DRC8: variants seen among roughly 807,000 people sequenced by gnomAD.
The protein encoded by DRC8 is dynein regulatory complex subunit 8.
the DRC8 span, chr1:245,124,707 C>G: frequency 6.6e-6 from 1 of 151,154 alleles, no homozygotes; most frequent in Non-Finnish European, 1.5e-5. Flanking sequence ...TTTTTCAGAT[C>G]CTGAATTCCA....
the DRC8 span, among the ~76,000 whole-genome samples, chr1:245,000,874 T>C: frequency 6.6e-6 from 1 of 151,990 alleles, no homozygotes; most frequent in Admixed American, 6.5e-5. Flanking sequence ...CACAGGGTAC[T>C]GTGGAATCAT....
the DRC8 span, among the ~76,000 whole-genome samples, chr1:245,011,501 G>C: frequency 6.6e-6 from 1 of 152,218 alleles, no homozygotes; most frequent in Non-Finnish European, 1.5e-5. Context: ...CTGCAATGCT[G>C]TGTTTTGATT....
At chr1:245,110,216 CTA>C in the DRC8 span, among the ~76,000 whole-genome samples, 11 of 152,100 alleles carry the variant, frequency 7.2e-5, no homozygotes, top group Non-Finnish European at 1.5e-4. Flanking sequence ...AACCTCATCT[CTA>C]TTAAAAATAC....
At chr1:245,019,116 A>G in the DRC8 span, among the ~76,000 whole-genome samples, 1 of 152,360 alleles carries the variant, frequency 6.6e-6, no homozygotes, top group African/African-American at 2.4e-5. Flanking sequence ...TATGGGCTGA[A>G]TCTTTTTTTC....
the DRC8 span, among the ~76,000 whole-genome samples, chr1:245,083,104 A>G: frequency 6.6e-6 from 1 of 152,196 alleles, no homozygotes; most frequent in East Asian, 1.9e-4. Context: ...CCTGGGCCAC[A>G]CAGCAGGAGG....
At chr1:245,081,230 C>T in the DRC8 span, among the ~76,000 whole-genome samples, 3 of 151,834 alleles carry the variant, frequency 2.0e-5, no homozygotes, top group East Asian at 1.9e-4. Context: ...GGCCTGATCT[C>T]GGCTCACTGC....
At chr1:244,970,634 C>A in the DRC8 span, 1 of 434,062 alleles carries the variant, frequency 2.3e-6, no homozygotes, top group South Asian at 2.7e-5. Context: ...GCCCGGCCCG[C>A]CGCTCCGCCC....
the DRC8 span, among the ~76,000 whole-genome samples, chr1:245,025,662 C>T: frequency 6.6e-6 from 1 of 152,110 alleles, no homozygotes; most frequent in East Asian, 1.9e-4. Flanking sequence ...TTTTAGTATT[C>T]CAGACTATTC....
the DRC8 span, chr1:245,121,861 T>C: frequency 7.1e-6 from 3 of 422,022 alleles, no homozygotes; most frequent in East Asian, 2.2e-4. Flanking sequence ...TCATCTACTT[T>C]TTTGCTTTCT....
chr1:245,092,204 G>C, the DRC8 span, among the ~76,000 whole-genome samples: 70 of 152,310 alleles, frequency 4.6e-4, no homozygotes, highest in African/African-American at 1.6e-3. Context: ...GCAATGCAGA[G>C]ATTTAGTCCC....
the DRC8 span, among the ~76,000 whole-genome samples, chr1:244,980,438 G>A: frequency 0.68 from 102,968 of 151,978 alleles, 36,316 homozygotes; most frequent in East Asian, 1. Flanking sequence ...AAATCACTTG[G>A]GCAAGTGTGC....
At chr1:245,066,757 A>G in the DRC8 span, among the ~76,000 whole-genome samples, 1 of 151,998 alleles carries the variant, frequency 6.6e-6, no homozygotes. Flanking sequence ...AGTAGAAAAA[A>G]TTAGCCGGGC....
the DRC8 span, among the ~76,000 whole-genome samples, chr1:245,031,427 T>C: frequency 7.2e-5 from 11 of 151,946 alleles, no homozygotes; most frequent in Non-Finnish European, 1.6e-4. Flanking sequence ...GCCCGGTCCA[T>C]GGAAACCTCC....
the DRC8 span, among the ~76,000 whole-genome samples, chr1:244,992,381 AG>A: frequency 6.6e-6 from 1 of 152,214 alleles, no homozygotes; most frequent in South Asian, 2.1e-4. Context: ...AGAGAGGGAA[AG>A]GGAAAAGAAA....
the DRC8 span, among the ~76,000 whole-genome samples, chr1:245,020,166 G>T: frequency 6.6e-6 from 1 of 152,138 alleles, no homozygotes; most frequent in Non-Finnish European, 1.5e-5. Context: ...AGAGGTCTAG[G>T]TCTTAGAATT....
chr1:245,051,270 T>C, the DRC8 span, among the ~76,000 whole-genome samples: 1 of 151,918 alleles, frequency 6.6e-6, no homozygotes, highest in African/African-American at 2.4e-5. Flanking sequence ...TGTGTACTTG[T>C]AGTCTCAGTT....
chr1:245,017,382 G>A, the DRC8 span: 10 of 1,497,950 alleles, frequency 6.7e-6, no homozygotes, highest in Non-Finnish European at 9.0e-6. Flanking sequence ...CAAGTCATAA[G>A]ATACAAGAGA....
At chr1:244,997,211 C>G in the DRC8 span, among the ~76,000 whole-genome samples, 1 of 152,116 alleles carries the variant, frequency 6.6e-6, no homozygotes, top group African/African-American at 2.4e-5. Flanking sequence ...TTAACCTATC[C>G]TATCTCGTTC....
At chr1:245,121,193 T>C in the DRC8 span, among the ~76,000 whole-genome samples, 5 of 152,204 alleles carry the variant, frequency 3.3e-5, no homozygotes, top group African/African-American at 4.8e-5. Flanking sequence ...AAATAAGTGA[T>C]ATAATAGGGA....
Sources: gnomAD v4.1 joint callset for allele counts (sites outside exome capture counted in the v4.1 genomes callset) on GRCh38, gnomAD v4.1.1 for gene constraint, MANE v1.5 for transcripts, NCBI Gene and HGNC (gene_info 2026-07-23, HGNC 2026-07-21) for gene names.